The following SVEP1 variants were observed in gnomAD, a reference collection of about 807,000 sequenced individuals.
SVEP1 encodes the protein sushi, von Willebrand factor type A, EGF and pentraxin domain-containing protein 1.
A neutral mutation model predicts 367.3 loss-of-function variants in SVEP1; 164 were observed. The observed-to-expected ratio is 0.45, with a 90% confidence interval of 0.39 to 0.51. SVEP1 has a LOEUF of 0.51. SVEP1 is among the 20% of genes least tolerant of loss of function. SVEP1 has a pLI of 0.00. For missense variants in SVEP1, 4,117 were observed against 4,425.3 expected, an observed-to-expected ratio of 0.93 and a Z score of 1.98; for synonymous variants, 1,666 against 1,611.6, an observed-to-expected ratio of 1.03 and a Z score of -0.81.
intron 27 of SVEP1, among the ~76,000 whole-genome samples, chr9:110,440,752 C>A (rs10817019): frequency 0.12 from 18,345 of 152,160 alleles, 1,512 homozygotes; most frequent in South Asian, 0.23. Flanking sequence ...AATTGTCTAG[C>A]GTGATGTGTA....
At chr9:110,389,409 T>C in intron 41 of SVEP1, 115 bp downstream of exon 41, 1 of 1,260,486 alleles carries the variant, frequency 7.9e-7, no homozygotes, top group Non-Finnish European at 1.1e-6. Flanking sequence ...TCATATGGCT[T>C]ATGGAGTTGG....
At chr9:110,498,933 A>T in intron 7 of SVEP1, 108 bp downstream of exon 7, 1 of 945,998 alleles carries the variant, frequency 1.1e-6, no homozygotes, top group Non-Finnish European at 1.5e-6. Flanking sequence ...ACCTAACCAT[A>T]TTATCATGGG....
In SVEP1 at chr9:110,579,283, C is replaced by T. The variant is rs892921295; in HGVS notation, c.261G>A (p.Leu87=). 9 of 1,573,620 alleles carry T rather than the reference C, an allele frequency of 5.7e-6. No homozygotes were observed. Among genetic ancestry groups the T allele is most frequent in the Non-Finnish European group, 6.9e-6 (8 of 1,161,050 alleles). The change falls in exon 1 of 48, where the codon CTG becomes CTA. Residue 87 remains leucine, a synonymous_variant. Coordinates refer to ENST00000374469, the MANE Select transcript of SVEP1 (RefSeq NM_153366.4). This position sits in a 1 kb window ranked among gnomAD's most constrained non-coding sequence, Gnocchi z 5.3. ...ELSERLELVF[L]VDDSSSVGEV... ...CGCCCACGCTGGACGAATCATCCAC[C>T]AGGAAGACAAGCTCCAGGCGCTCGC...
chr9:110,451,557 A>G (rs1588059974), intron 22 of SVEP1, among the ~76,000 whole-genome samples, 155 bp from the exon 23 acceptor site: 1 of 152,204 alleles, frequency 6.6e-6, no homozygotes, highest in Admixed American at 6.5e-5. Context: ...TGTTTCTTCT[A>G]TTCTGTGAAC....
chr9:110,542,399 T>A (rs905465806), intron 3 of SVEP1, among the ~76,000 whole-genome samples: 1 of 152,134 alleles, frequency 6.6e-6, no homozygotes, highest in Admixed American at 6.6e-5. Flanking sequence ...ATGATTTCCT[T>A]CTGAAAGGCA....
At chr9:110,392,421 G>T (rs1588029057) in intron 40 of SVEP1, among the ~76,000 whole-genome samples, 1 of 152,122 alleles carries the variant, frequency 6.6e-6, no homozygotes, top group Middle Eastern at 3.4e-3. Flanking sequence ...TTGTGTGTGT[G>T]TGGTGGAGGT....
intron 3 of SVEP1, among the ~76,000 whole-genome samples, chr9:110,544,842 A>G (rs958680083): frequency 3.9e-5 from 6 of 152,054 alleles, no homozygotes; most frequent in Admixed American, 6.6e-5. Flanking sequence ...GTCACCCTAC[A>G]GTGTTATGGA....
At chr9:110,513,286 T>C (rs1829752309) in intron 4 of SVEP1, among the ~76,000 whole-genome samples, 181 bp from the exon 5 acceptor site, 1 of 152,202 alleles carries the variant, frequency 6.6e-6, no homozygotes, top group African/African-American at 2.4e-5. Context: ...ATCTGACTCC[T>C]ATTAGGTACT....
chr9:110,438,137 T>G (rs1828458161), intron 27 of SVEP1, among the ~76,000 whole-genome samples: 1 of 151,594 alleles, frequency 6.6e-6, no homozygotes, highest in Admixed American at 6.6e-5. Flanking sequence ...TGAGACCATC[T>G]TGAACGCGTT....
chr9:110,546,222 T>A lies in SVEP1; in HGVS notation c.857A>T (p.Asp286Val). 1 of 1,586,600 alleles carries A rather than the reference T, an allele frequency of 6.3e-7. No individual in the cohort carries two copies. The highest frequency in any genetic ancestry group is 8.6e-7 in the Non-Finnish European group (1 of 1,165,954). ...HCSYLCDEGK[D>V]CCDRMGSCKC... Reference sequence around the variant, plus strand: ...GCAGCTTCCCATTCGGTCACAGCAGTCCTTGCCTTCATCACAAAGATATGA... The same window carrying A: ...GCAGCTTCCCATTCGGTCACAGCAGACCTTGCCTTCATCACAAAGATATGA... The change falls in exon 3 of 48, where the codon GAC becomes GTC. Residue 286 changes from aspartate (D) to valine (V), a missense_variant. Around this residue, in one of 4 missense-constraint regions of SVEP1, gnomAD observed 2,174 missense variants for 2,494.3 expected, o/e 0.87. Coordinates refer to ENST00000374469, the MANE Select transcript of SVEP1 (RefSeq NM_153366.4).
chr9:110,458,048 T>C, intron 20 of SVEP1: 2 of 447,612 alleles, frequency 4.5e-6, no homozygotes, highest in Non-Finnish European at 8.8e-6. Flanking sequence ...GGACTCATAC[T>C]TTTCCCCAAG....
intron 6 of SVEP1, among the ~76,000 whole-genome samples, chr9:110,502,538 C>G (rs1199666968): frequency 3.3e-5 from 5 of 152,154 alleles, no homozygotes; most frequent in African/African-American, 1.2e-4. Flanking sequence ...TTAAACAATT[C>G]TGGTTATATC....
intron 3 of SVEP1, among the ~76,000 whole-genome samples, chr9:110,515,432 C>G (rs1305905611): frequency 2.6e-5 from 4 of 151,600 alleles, no homozygotes; most frequent in South Asian, 2.1e-4. Context: ...TCCCAAGTAG[C>G]TGGGACTACA....
chr9:110,518,820 C>A (rs988099552), intron 3 of SVEP1, among the ~76,000 whole-genome samples: 1 of 152,146 alleles, frequency 6.6e-6, no homozygotes, highest in African/African-American at 2.4e-5. Flanking sequence ...CTTGGCCTTA[C>A]CTCTACCCTT....
At chr9:110,468,206 T>A (rs1828967420) in intron 17 of SVEP1, among the ~76,000 whole-genome samples, 1 of 152,216 alleles carries the variant, frequency 6.6e-6, no homozygotes, top group Non-Finnish European at 1.5e-5. Context: ...GAGACAGCAA[T>A]GGAATATTTC....
At position 110,430,721 on chromosome 9, in the gene SVEP1, AAGT is replaced by A. The variant is rs1183434589; in HGVS notation, c.5354-274_5354-272del. 4.6e-5 allele frequency among the ~76,000 whole-genome samples: 7 copies of A among 152,336 alleles called. No homozygotes were observed. In the East Asian group the frequency reaches 5.8e-4, roughly 13 times the overall value. On this transcript the variant is annotated intron_variant, in intron 32 of 47. Transcript: ENST00000374469. ...CTGCAAAGGTAGGCGCTCATTGGGA[AAGT>A]AGTGGTGGTGCTAGAGAGTGGCTTA...
intron 8 of SVEP1, among the ~76,000 whole-genome samples, chr9:110,496,055 G>T (rs781692523): frequency 2.0e-5 from 3 of 152,144 alleles, no homozygotes; most frequent in Non-Finnish European, 4.4e-5. Flanking sequence ...CAAATCCATA[G>T]AATGAAAAGT....
chr9:110,553,647 C>T (rs1830318965), intron 1 of SVEP1, among the ~76,000 whole-genome samples: 1 of 152,198 alleles, frequency 6.6e-6, no homozygotes, highest in African/African-American at 2.4e-5. Flanking sequence ...CCAGGTATTT[C>T]AAGGCCAAGG....
chr9:110,514,811 C>G (rs893168093), intron 3 of SVEP1, among the ~76,000 whole-genome samples: 2 of 152,178 alleles, frequency 1.3e-5, no homozygotes, highest in East Asian at 1.9e-4. Context: ...CCAACTCCCC[C>G]ATCCTGTGCA....
Sources: gnomAD v4.1 joint callset for allele counts (sites outside exome capture counted in the v4.1 genomes callset) on GRCh38, gnomAD v4.1.1 for gene constraint, gnomAD v4.1.1 regional missense constraint, Gnocchi (gnomAD v3.1) non-coding constraint, MANE v1.5 for transcripts, NCBI Gene and HGNC (gene_info 2026-07-23, HGNC 2026-07-21) for gene names.